ADGRL1: variants seen among roughly 807,000 people sequenced by gnomAD.
ADGRL1 encodes adhesion G protein-coupled receptor L1.
In ADGRL1, 31 loss-of-function variants were observed where a neutral mutation model predicts 148.9. The observed-to-expected ratio is 0.21, with a 90% confidence interval of 0.16 to 0.28. The LOEUF is 0.28. ADGRL1 is among the 10% of genes least tolerant of loss of function. The pLI, the probability that ADGRL1 is intolerant of heterozygous loss-of-function variation, is 1.00. For synonymous variants in ADGRL1, 937 were observed against 900.3 expected, an observed-to-expected ratio of 1.04 and a Z score of -0.73; for missense variants, 1,521 against 2,058.8, an observed-to-expected ratio of 0.74 and a Z score of 5.05.
At chr19:14,179,577 C>G (rs2144983026) in intron 2 of ADGRL1, among the ~76,000 whole-genome samples, 2 of 152,144 alleles carry the variant, frequency 1.3e-5, no homozygotes, top group Middle Eastern at 3.4e-3. Flanking sequence ...CTTCTGGCCT[C>G]TGCAACTGTG....
rs1186315749 is a variant in ADGRL1, at chr19:14,187,665, C to T, written c.-95-3968G>A. ...TCAGATGATTTTACAGCGTGTTACC[C>T]CGCCGCCGCCACCAGCCCCTATCCG... On this transcript the variant is annotated intron_variant, in intron 1 of 22. Transcript: ENST00000361434. 2.0e-5 allele frequency among the ~76,000 whole-genome samples: 3 copies of T among 151,630 alleles called. No homozygotes were observed. The South Asian group carries it at 6.3e-4, about 32-fold the overall frequency.
chr19:14,153,061 C>T (rs1280768912), intron 18 of ADGRL1, 149 bp from the exon 19 acceptor site: 3 of 852,824 alleles, frequency 3.5e-6, no homozygotes, highest in Non-Finnish European at 5.3e-6. Context: ...ACTTGCAGGC[C>T]ACGGAAGCCT....
chr19:14,169,042 G>A (rs906596858), intron 4 of ADGRL1: 1 of 152,284 alleles, frequency 6.6e-6, no homozygotes, highest in Admixed American at 6.5e-5. Flanking sequence ...GCTTCCCAGG[G>A]AAGGCTTTTG....
Position 14,162,956 on chromosome 19 carries a change from T to C in ADGRL1, c.845A>G (p.Asn282Ser), listed in dbSNP as rs1323135584. The stretch of plus-strand genomic sequence containing the variant: ...CAGCTGGCTCACCACCAGCCGCCCG[T>C]TGTTGCCCTCAGTGGCGTAGATGAC... ...LWVIYATEGN[N>S]GRLVVSQLNP... Residue 282 changes from asparagine (N) to serine (S), a missense_variant, in exon 5 of 23, where the codon AAC (asparagine) becomes AGC (serine). By Grantham distance (46) the Asn-to-Ser change is conservative. Coordinates refer to ENST00000361434, the MANE Select transcript of ADGRL1 (RefSeq NM_014921.5). This position sits in a 1 kb window ranked among gnomAD's most constrained non-coding sequence, Gnocchi z 5.4. 2 of 1,613,690 alleles carry C rather than the reference T, an allele frequency of 1.2e-6. No individual in the cohort carries two copies. Among genetic ancestry groups the C allele is most frequent in the East Asian group, 4.5e-5 (2 of 44,860 alleles).
rs1599412609 is a variant in ADGRL1, at chr19:14,160,512, C to G, written c.1614+81G>C. ...CCAGACCTGCCAGCCCATGTCTCCC[C>G]AGCTGCTCCACGACCCCCGCTGGGC... On this transcript the variant is annotated intron_variant, in intron 7 of 22. Coordinates refer to ENST00000361434, the MANE Select transcript of ADGRL1 (RefSeq NM_014921.5). This position sits in a 1 kb window ranked among gnomAD's most constrained non-coding sequence, Gnocchi z 5.9. The G allele has an allele frequency of 9.0e-7, 1 of 1,109,278 alleles. No individual in the cohort carries two copies. Among genetic ancestry groups the G allele is most frequent in the East Asian group, 2.5e-5 (1 of 39,788 alleles). The allele number at this position is 1,109,278 out of a possible 1,614,324, so 68.7% of individuals were successfully genotyped here. A position where few individuals can be genotyped will look rare whatever the true frequency, so the allele number is the denominator to read the frequency against.
intron 4 of ADGRL1, chr19:14,166,974 A>C: frequency 6.2e-7 from 1 of 1,606,332 alleles, no homozygotes; most frequent in Non-Finnish European, 8.5e-7. Flanking sequence ...CAGGTAGAAC[A>C]AAGTGTGAGT....
intron 1 of ADGRL1, among the ~76,000 whole-genome samples, chr19:14,185,771 C>T (rs917796604): frequency 1.3e-5 from 2 of 152,238 alleles, no homozygotes; most frequent in Non-Finnish European, 2.9e-5. Context: ...CCCCCACTAC[C>T]ATTTCCCTGC....
chr19:14,167,111 T>A, intron 4 of ADGRL1: 1 of 1,240,342 alleles, frequency 8.1e-7, no homozygotes, highest in Non-Finnish European at 1.2e-6. Flanking sequence ...AAAAAGAGAT[T>A]AAATTGCTTT....
rs1025597577 is a variant in ADGRL1 at position 14,198,507 on chromosome 19, T to C, written c.-96+7478A>G. The stretch of plus-strand genomic sequence containing the variant: ...CTTCTGGCCTCCTGGCCTCCCTTCC[T>C]GCCAACTATGGCTCTCTCCCACGTA... On this transcript the variant is annotated intron_variant, in intron 1 of 22. Coordinates refer to ENST00000361434, the MANE Select transcript of ADGRL1 (RefSeq NM_014921.5). Among the ~76,000 whole-genome samples, 6 of 152,142 alleles carry C rather than the reference T, an allele frequency of 3.9e-5. 1 individual carries two copies. Among genetic ancestry groups the C allele is most frequent in the African/African-American group, 1.4e-4 (6 of 41,422 alleles).
chr19:14,155,636 T>C lies in ADGRL1; in HGVS notation c.3126-109A>G. 1 of 1,168,868 alleles carries C rather than the reference T, an allele frequency of 8.6e-7. No individual in the cohort carries two copies. The highest frequency in any genetic ancestry group is 1.4e-5 in the South Asian group (1 of 70,778). The allele number at this position is 1,168,868 out of a possible 1,614,324, so 72.4% of individuals were successfully genotyped here. A position where few individuals can be genotyped will look rare whatever the true frequency, so the allele number is the denominator to read the frequency against. ...GGCCCTTGGGTGGGCCTGGGCACTG[T>C]CTGCAAAGCCCTGAGCGGGCCGAGT... On this transcript the variant is annotated intron_variant, in intron 17 of 22. Transcript: ENST00000361434. This position sits in a 1 kb window ranked among gnomAD's most constrained non-coding sequence, Gnocchi z 5.0.
chr19:14,182,053 A>G (rs1028818578), intron 2 of ADGRL1, among the ~76,000 whole-genome samples: 1 of 152,154 alleles, frequency 6.6e-6, no homozygotes, highest in African/African-American at 2.4e-5. Flanking sequence ...GGAGCCAGAC[A>G]GATGGCTGGG....
chr19:14,201,100 T>C (rs1028016594), intron 1 of ADGRL1, among the ~76,000 whole-genome samples: 1 of 152,074 alleles, frequency 6.6e-6, no homozygotes, highest in Non-Finnish European at 1.5e-5. Context: ...GAGGACAGCC[T>C]CCCACAGAGA....
chr19:14,188,884 C>T (rs1224372948), intron 1 of ADGRL1, among the ~76,000 whole-genome samples: 2 of 152,152 alleles, frequency 1.3e-5, no homozygotes, highest in African/African-American at 4.8e-5. Context: ...AGTGATTCTC[C>T]TGCCTCAGCC....
chr19:14,179,731 AC>A (rs376877522), intron 2 of ADGRL1, among the ~76,000 whole-genome samples: 110 of 151,234 alleles, frequency 7.3e-4, no homozygotes, highest in South Asian at 5.9e-3. Context: ...ACATGGTGAA[AC>A]CCCCATCTCT....
In ADGRL1 at chr19:14,159,178, C is replaced by T. The variant is rs371801061; in HGVS notation, c.2061G>A (p.Val687=). 5.0e-5 allele frequency: 81 copies of T among 1,614,008 alleles called. No individual in the cohort carries two copies. Among genetic ancestry groups the T allele is most frequent in the Non-Finnish European group, 6.4e-5 (75 of 1,180,006 alleles). Residue 687 remains valine (V), a synonymous_variant, in exon 11 of 23, where the codon GTG becomes GTA. Coordinates refer to ENST00000361434, the MANE Select transcript of ADGRL1 (RefSeq NM_014921.5). This position sits in a 1 kb window ranked among gnomAD's most constrained non-coding sequence, Gnocchi z 6.0. The part of the protein sequence containing the change: ...EVTVLNTEGQ[V]QELVFPQEEY... ...CCTCCTGGGGGAACACCAGCTCCTGCACCTGGCCCTCTGTGTTCAGGACTG... is the reference window on the plus strand; with the variant it reads ...CCTCCTGGGGGAACACCAGCTCCTGTACCTGGCCCTCTGTGTTCAGGACTG...
Position 14,150,992 on chromosome 19 carries a change from G to T in ADGRL1, c.4291C>A (p.Pro1431Thr). 6.3e-7 allele frequency: 1 copy of T among 1,578,858 alleles called. No homozygotes were observed. The highest frequency in any genetic ancestry group is 1.1e-5 in the South Asian group (1 of 88,362). Residue 1431 changes from proline to threonine, a missense_variant, in exon 23 of 23, where the codon CCC becomes ACC. Pro to Thr is a conservative substitution (Grantham distance 38). Transcript: ENST00000361434. ...SRPPALVARN[P>T]LQGYYQVRRP... Reference sequence around the variant, plus strand: ...CGCACCTGGTAGTAGCCCTGCAGGGGATTCCGGGCCACCAGGGCTGGCGGG... The same window carrying T: ...CGCACCTGGTAGTAGCCCTGCAGGGTATTCCGGGCCACCAGGGCTGGCGGG...
At chr19:14,193,199 G>C (rs1321572384) in intron 1 of ADGRL1, among the ~76,000 whole-genome samples, 2 of 149,438 alleles carry the variant, frequency 1.3e-5, no homozygotes, top group Non-Finnish European at 3.0e-5. Context: ...TGTCCCCCGG[G>C]AGACCCAGGC....
rs1389332238 is a variant in ADGRL1 at position 14,151,572 on chromosome 19, C to A, written c.3711G>T (p.Leu1237=). Residue 1237 remains leucine, a synonymous_variant, in exon 23 of 23, where the codon CTG becomes CTT. Coordinates refer to ENST00000361434, the MANE Select transcript of ADGRL1 (RefSeq NM_014921.5). The part of the protein sequence containing the change: ...GGREACGMDT[L]PLNGNFNNSY... ...TGTTATTGAAGTTGCCGTTCAGGGGCAGGGTGTCCATGCCACAGGCTTCCC... is the reference window on the plus strand; with the variant it reads ...TGTTATTGAAGTTGCCGTTCAGGGGAAGGGTGTCCATGCCACAGGCTTCCC... The A allele has an allele frequency of 2.5e-6, 4 of 1,608,872 alleles. No individual in the cohort carries two copies. Among genetic ancestry groups the A allele is most frequent in the Non-Finnish European group, 1.7e-6 (2 of 1,179,166 alleles).
chr19:14,198,077 A>G (rs1237916591), intron 1 of ADGRL1, among the ~76,000 whole-genome samples: 1 of 152,116 alleles, frequency 6.6e-6, no homozygotes, highest in Admixed American at 6.5e-5. Context: ...GGCAGAGGAA[A>G]CAGCACGTGC....
Sources: gnomAD v4.1 joint callset for allele counts (sites outside exome capture counted in the v4.1 genomes callset) on GRCh38, gnomAD v4.1.1 for gene constraint, Gnocchi (gnomAD v3.1) non-coding constraint, MANE v1.5 for transcripts, NCBI Gene and HGNC (gene_info 2026-07-23, HGNC 2026-07-21) for gene names.